The following SLC15A5 variants were observed in gnomAD, a reference collection of about 807,000 sequenced individuals.
SLC15A5 encodes solute carrier family 15 member 5, also known as Peptide/histidine transporter ENSP00000340402.
In SLC15A5, 58 loss-of-function variants were observed where a neutral mutation model predicts 56.1. The ratio of observed to expected loss-of-function variants is 1.03; its 90% CI spans 0.84 to 1.29. The LOEUF is 1.29. SLC15A5 is among the 50% of genes most tolerant of loss of function. SLC15A5 has a pLI of 0.00. For synonymous variants in SLC15A5, 264 were observed against 250.5 expected (o/e 1.05, Z -0.51); for missense variants, 681 against 672.1 (o/e 1.01, Z -0.15).
intron 6 of SLC15A5, among the ~76,000 whole-genome samples, chr12:16,221,672 G>A (rs942685994): frequency 1.3e-5 from 2 of 152,136 alleles, no homozygotes; most frequent in African/African-American, 4.8e-5. Flanking sequence ...CTTATGTTTT[G>A]AGAAGAACAC....
chr12:16,224,685 T>A, intron 5 of SLC15A5, 83 bp from the exon 6 acceptor site: 1 of 1,284,756 alleles, frequency 7.8e-7, no homozygotes, highest in South Asian at 1.6e-5. Flanking sequence ...TTCTTACCCA[T>A]TGACATTAGA....
At chr12:16,215,222 AAAAAAAAC>A (rs1864119654) in intron 7 of SLC15A5, among the ~76,000 whole-genome samples, 4 of 144,828 alleles carry the variant, frequency 2.8e-5, no homozygotes, top group Non-Finnish European at 4.5e-5. Context: ...AAAAAAAAAA[AAAAAAAAC>A]CAAAGTGAGG....
intron 2 of SLC15A5, among the ~76,000 whole-genome samples, chr12:16,260,376 T>C (rs2136810808): frequency 6.6e-6 from 1 of 152,280 alleles, no homozygotes; most frequent in South Asian, 2.1e-4. Context: ...TTCCACCTTT[T>C]GGAATCTCCC....
At chr12:16,257,996 G>T in intron 2 of SLC15A5, 126 bp from the exon 3 acceptor site, 1 of 815,964 alleles carries the variant, frequency 1.2e-6, no homozygotes, top group Non-Finnish European at 1.7e-6. Flanking sequence ...ACCCAATTTT[G>T]CAAATGTTGT....
In SLC15A5 at chr12:16,257,875, G is replaced by A; in HGVS notation, c.585-5C>T. On this transcript the variant is annotated splice_region_variant and splice_polypyrimidine_tract_variant and intron_variant, in intron 2 of 8. Coordinates refer to ENST00000344941, the MANE Select transcript of SLC15A5 (RefSeq NM_001170798.1). ...AGGTTCATGAGCCAATAAAACCTGG[G>A]GTATACAGACAGACAAAAATAAAAA... 4 of 1,455,432 alleles carry A rather than the reference G, an allele frequency of 2.7e-6. No homozygotes were observed. The highest frequency in any genetic ancestry group is 1.5e-5 in the African/African-American group (1 of 68,852). 90.2% of individuals were successfully genotyped at this position (1,455,432 alleles called of 1,614,324 possible).
At chr12:16,228,431 T>C (rs1864263980) in intron 5 of SLC15A5, among the ~76,000 whole-genome samples, 1 of 152,224 alleles carries the variant, frequency 6.6e-6, no homozygotes, top group Non-Finnish European at 1.5e-5. Flanking sequence ...GAACTTTTGA[T>C]CTTTCTCTCT....
chr12:16,277,559 C>A lies in SLC15A5; in HGVS notation c.127G>T (p.Gly43Ter). The change falls in exon 1 of 9, where the codon GGA becomes TGA. Residue 43 changes from glycine to a stop codon, truncating the protein, a stop_gained. Coordinates refer to ENST00000344941, the MANE Select transcript of SLC15A5 (RefSeq NM_001170798.1). LOFTEE classifies it high-confidence loss of function. ...SSHSVKKIQV[G>*]ICLLLVELCE... ...AGCTCCACCAGAAGCAAGCAGATTC[C>A]AACCTGAATTTTTTTCACAGAGTGT... is the stretch of plus-strand genomic sequence containing the variant. The A allele has an allele frequency of 6.5e-7, 1 of 1,536,522 alleles. No homozygotes were observed. Among genetic ancestry groups the A allele is most frequent in the East Asian group, 2.4e-5 (1 of 40,890 alleles).
intron 7 of SLC15A5, among the ~76,000 whole-genome samples, chr12:16,207,749 G>T (rs1004197113): frequency 3.9e-5 from 6 of 151,908 alleles, no homozygotes; most frequent in Admixed American, 3.9e-4. Context: ...CGCCTCCAGG[G>T]TTCAAGCGAT....
chr12:16,259,159 A>G (rs1864613996), intron 2 of SLC15A5, among the ~76,000 whole-genome samples: 1 of 148,614 alleles, frequency 6.7e-6, no homozygotes, highest in Non-Finnish European at 1.5e-5. Context: ...AGCTTCTCTC[A>G]AGTAGCTGGG....
intron 4 of SLC15A5, among the ~76,000 whole-genome samples, chr12:16,240,072 C>G (rs546385832): frequency 4.6e-5 from 7 of 152,090 alleles, no homozygotes; most frequent in Non-Finnish European, 1.0e-4. Flanking sequence ...GACAATAGTA[C>G]TCATTACTCA....
At chr12:16,267,165 A>G (rs569560689) in intron 2 of SLC15A5, among the ~76,000 whole-genome samples, 13 of 152,312 alleles carry the variant, frequency 8.5e-5, no homozygotes, top group South Asian at 4.2e-4. Flanking sequence ...CAAATTTTCT[A>G]TAAGTTTCAG....
At chr12:16,209,841 A>G (rs532108936) in intron 7 of SLC15A5, among the ~76,000 whole-genome samples, 2 of 152,156 alleles carry the variant, frequency 1.3e-5, no homozygotes, top group South Asian at 4.2e-4. Context: ...GATTACTTCA[A>G]TTCTACCTCC....
chr12:16,239,965 G>A (rs767620379), intron 4 of SLC15A5, 98 bp from the exon 5 acceptor site: 6 of 1,083,042 alleles, frequency 5.5e-6, no homozygotes, highest in Non-Finnish European at 7.8e-6. Context: ...CGTACTCTGT[G>A]ATGGATGAGC....
At chr12:16,244,933 G>T in intron 3 of SLC15A5, 133 bp from the exon 4 acceptor site, 1 of 870,768 alleles carries the variant, frequency 1.1e-6, no homozygotes, top group Non-Finnish European at 1.7e-6. Flanking sequence ...CAAGGGGTCG[G>T]ACTCAAAGGA....
At chr12:16,220,872 T>G (rs1864180376) in intron 6 of SLC15A5, among the ~76,000 whole-genome samples, 1 of 152,186 alleles carries the variant, frequency 6.6e-6, no homozygotes, top group South Asian at 2.1e-4. Flanking sequence ...TTAGGCACAC[T>G]GTAGACACCC....
chr12:16,237,310 C>T lies in SLC15A5; in HGVS notation c.1162+2371G>A, dbSNP rs961810883. On this transcript the variant is annotated intron_variant, in intron 5 of 8. Transcript: ENST00000344941. This position sits in a 1 kb window ranked among gnomAD's most constrained non-coding sequence, Gnocchi z 4.1. ...ACGCATATCATCGCACTTTTATATT[C>T]CCATAGCAAAACGTTATGCAAATAA... 6.6e-6 allele frequency among the ~76,000 whole-genome samples: 1 copy of T among 152,074 alleles called. No individual in the cohort carries two copies. Among genetic ancestry groups the T allele is most frequent in the South Asian group, 2.1e-4 (1 of 4,820 alleles).
chr12:16,244,564 C>T lies in SLC15A5; in HGVS notation c.975+16G>A. The T allele has an allele frequency of 6.5e-7, 1 of 1,533,468 alleles. No individual in the cohort carries two copies. Among genetic ancestry groups the T allele is most frequent in the Non-Finnish European group, 8.7e-7 (1 of 1,143,750 alleles). 95.0% of individuals were successfully genotyped at this position (1,533,468 alleles called of 1,614,324 possible). ...ACTTTCCTGTTGTTGGGGTAGTACT[C>T]ATCGCCTGTCCTTACCTGCATAATG... On this transcript the variant is annotated intron_variant, in intron 4 of 8. Transcript: ENST00000344941.
chr12:16,216,912 C>G lies in SLC15A5; in HGVS notation c.1464G>C (p.Leu488Phe). 6.5e-7 allele frequency: 1 copy of G among 1,536,304 alleles called. No individual in the cohort carries two copies. Among genetic ancestry groups the G allele is most frequent in the Non-Finnish European group, 8.7e-7 (1 of 1,146,468 alleles). The change falls in exon 7 of 9, where the codon TTG becomes TTC. Residue 488 changes from leucine (L) to phenylalanine (F), a missense_variant. Leu to Phe is a conservative substitution (Grantham distance 22, BLOSUM62 0). Coordinates refer to ENST00000344941, the MANE Select transcript of SLC15A5 (RefSeq NM_001170798.1). ...GCFTGALLVK[L>F]VYLISDGNWF... ...TTTTACCATCTGAGATGAGATATAC[C>G]AACTTCACCAGCAGTGCCCCTGTGA...
intron 7 of SLC15A5, among the ~76,000 whole-genome samples, chr12:16,214,829 G>A (rs1864114508): frequency 6.6e-6 from 1 of 152,020 alleles, no homozygotes; most frequent in African/African-American, 2.4e-5. Flanking sequence ...GGGAGTCTGT[G>A]GGGATCCCCA....
Sources: allele counts gnomAD v4.1 joint callset (sites outside exome capture counted in the v4.1 genomes callset), GRCh38; gene constraint gnomAD v4.1.1; non-coding constraint Gnocchi (gnomAD v3.1); transcripts MANE v1.5; gene names NCBI Gene and HGNC (gene_info 2026-07-23, HGNC 2026-07-21).